Variants in SND1 observed in about 807,000 individuals in gnomAD.
SND1 encodes the protein staphylococcal nuclease domain-containing protein 1.
Under a neutral mutation model 121.7 loss-of-function variants are expected in SND1, and 38 were observed. That is an observed-to-expected ratio of 0.31 (90% CI 0.24 to 0.41). The LOEUF (loss-of-function observed/expected upper bound fraction) is 0.41, where lower values mean the gene tolerates loss of function less well. SND1 is among the 10% of genes least tolerant of loss of function. The probability of loss-of-function intolerance (pLI) is 1.00; values close to 1 mark genes in which losing one functional copy is unlikely to be tolerated. For synonymous variants in SND1, 401 were observed against 447.4 expected, an observed-to-expected ratio of 0.90 and a Z score of 1.31; for missense variants, 868 against 1,184.6, an observed-to-expected ratio of 0.73 and a Z score of 3.92.
Position 127,701,179 on chromosome 7 carries a change from C to T in SND1, c.445C>T (p.Leu149Phe), listed in dbSNP as rs556522943. ...MRANNPEQNR[L>F]SECEEQAKAA... ...ATGTCCCAGTCCTGAGCAGAACCGG[C>T]TTTCAGAATGTGAAGAACAAGCAAA... The change falls in exon 5 of 24, where the codon CTT becomes TTT. Residue 149 changes from leucine to phenylalanine, a missense_variant. Physicochemically the swap from Leu to Phe is conservative, Grantham distance 22 (BLOSUM62 0). Coordinates refer to ENST00000354725, the MANE Select transcript of SND1 (RefSeq NM_014390.4). The T allele has an allele frequency of 1.2e-4, 193 of 1,613,868 alleles. No individual in the cohort carries two copies. The highest frequency in any genetic ancestry group is 1.6e-4 in the Non-Finnish European group (190 of 1,179,944).
intron 17 of SND1, 107 bp downstream of exon 17, chr7:128,074,797 A>G: frequency 8.8e-7 from 1 of 1,134,890 alleles, no homozygotes; most frequent in Non-Finnish European, 1.2e-6. Context: ...CCCACAGAGT[A>G]GCCCAGGAAG....
At chr7:127,791,290 A>G (rs1797906177) in intron 10 of SND1, among the ~76,000 whole-genome samples, 1 of 151,660 alleles carries the variant, frequency 6.6e-6, no homozygotes, top group South Asian at 2.1e-4. Context: ...CTACAACTAC[A>G]GGCACATGCC....
chr7:127,842,152 G>A (rs902130681), intron 11 of SND1, among the ~76,000 whole-genome samples: 8 of 152,202 alleles, frequency 5.3e-5, no homozygotes, highest in African/African-American at 1.9e-4. Flanking sequence ...CTCACTAGCA[G>A]TGTGGCTGAA....
intron 12 of SND1, among the ~76,000 whole-genome samples, chr7:127,861,387 G>A (rs1799375413): frequency 6.6e-6 from 1 of 152,172 alleles, no homozygotes; most frequent in African/African-American, 2.4e-5. Context: ...TTGCACTGTT[G>A]AGGTTTGTGT....
chr7:127,769,250 T>G (rs1422758197), intron 10 of SND1, among the ~76,000 whole-genome samples: 1 of 150,526 alleles, frequency 6.6e-6, no homozygotes, highest in Non-Finnish European at 1.5e-5. Flanking sequence ...GGTAGAGTGT[T>G]TTTTTTTTTA....
chr7:127,805,912 A>G (rs186719248), intron 10 of SND1, among the ~76,000 whole-genome samples: 394 of 152,186 alleles, frequency 2.6e-3, no homozygotes, highest in Non-Finnish European at 4.3e-3. Flanking sequence ...CTTTTTGCAA[A>G]TATTTTCCTG....
chr7:127,870,138 G>T (rs1245873134), intron 12 of SND1, among the ~76,000 whole-genome samples: 2 of 152,102 alleles, frequency 1.3e-5, no homozygotes, highest in African/African-American at 4.8e-5. Flanking sequence ...ATAAAATGAA[G>T]AAGAAATTAC....
At chr7:127,706,257 C>CG (rs1796195692) in intron 8 of SND1, among the ~76,000 whole-genome samples, 1 of 72,774 alleles carries the variant, frequency 1.4e-5, no homozygotes, top group Non-Finnish European at 2.5e-5. Flanking sequence ...CCCCCTCCCC[C>CG]CCCCCACCTT....
At chr7:128,083,475 T>C (rs1378594751) in intron 18 of SND1, among the ~76,000 whole-genome samples, 1 of 152,254 alleles carries the variant, frequency 6.6e-6, no homozygotes, top group African/African-American at 2.4e-5. Context: ...ACCAGTGGCC[T>C]CTGCAGCAGC....
chr7:128,031,892 C>T (rs1416893039), intron 16 of SND1: 3 of 151,080 alleles, frequency 2.0e-5, no homozygotes, highest in Non-Finnish European at 4.4e-5. Flanking sequence ...CGCCAGCGGA[C>T]TGCTGCAGCG....
intron 16 of SND1, among the ~76,000 whole-genome samples, chr7:128,017,397 A>G (rs953677041): frequency 6.6e-6 from 1 of 152,200 alleles, no homozygotes; most frequent in Non-Finnish European, 1.5e-5. Flanking sequence ...AAGTACAACT[A>G]TTAATCACCC....
chr7:128,074,781 C>G (rs1793478650), intron 17 of SND1, 91 bp downstream of exon 17: 13 of 1,264,534 alleles, frequency 1.0e-5, no homozygotes, highest in Non-Finnish European at 1.4e-5. Flanking sequence ...AGGAAGTTCT[C>G]TCATCCCCAC....
intron 17 of SND1, among the ~76,000 whole-genome samples, chr7:128,079,190 C>T (rs1459922851): frequency 5.3e-5 from 8 of 152,244 alleles, no homozygotes; most frequent in South Asian, 2.1e-4. Context: ...AGGCCCAGGG[C>T]AAAAGCCTCA....
intron 16 of SND1, among the ~76,000 whole-genome samples, chr7:128,063,068 G>A (rs1793256903): frequency 1.3e-5 from 2 of 152,154 alleles, no homozygotes; most frequent in Non-Finnish European, 2.9e-5. Flanking sequence ...AGGCTTCATG[G>A]CATCTGTGGC....
At chr7:127,737,259 C>T (rs1234591185) in intron 10 of SND1, among the ~76,000 whole-genome samples, 3 of 152,192 alleles carry the variant, frequency 2.0e-5, no homozygotes, top group Non-Finnish European at 4.4e-5. Flanking sequence ...GTACTGTCAA[C>T]CTAGTCTTGT....
At chr7:127,807,909 A>G (rs368375772) in intron 11 of SND1, among the ~76,000 whole-genome samples, 18 of 152,020 alleles carry the variant, frequency 1.2e-4, no homozygotes, top group African/African-American at 3.9e-4. Context: ...GTCCAGGGCT[A>G]TGGAATTTAC....
intron 11 of SND1, among the ~76,000 whole-genome samples, chr7:127,836,039 C>T (rs1342401715): frequency 2.6e-5 from 4 of 151,754 alleles, no homozygotes; most frequent in African/African-American, 7.3e-5. Flanking sequence ...AAATATTTAC[C>T]GAAGTGAAGG....
At chr7:127,778,271 T>C (rs1256328328) in intron 10 of SND1, among the ~76,000 whole-genome samples, 1 of 151,726 alleles carries the variant, frequency 6.6e-6, no homozygotes, top group East Asian at 1.9e-4. Context: ...CTCGGCTCAC[T>C]GCAACCTCCA....
At chr7:127,829,028 T>A (rs12531847) in intron 11 of SND1, among the ~76,000 whole-genome samples, 32,246 of 152,174 alleles carry the variant, frequency 0.21, 4,007 homozygotes, top group Middle Eastern at 0.32. Context: ...CCACAGGTGA[T>A]GCATCAGGGA....
Sources: allele counts gnomAD v4.1 joint callset (sites outside exome capture counted in the v4.1 genomes callset), GRCh38; gene constraint gnomAD v4.1.1; transcripts MANE v1.5; gene names NCBI Gene and HGNC (gene_info 2026-07-23, HGNC 2026-07-21).